CNTN4: variants seen among roughly 807,000 people sequenced by gnomAD.
CNTN4 encodes contactin 4.
In CNTN4, 77 loss-of-function variants were observed where a neutral mutation model predicts 122.5. The ratio of observed to expected loss-of-function variants is 0.63; its 90% CI spans 0.52 to 0.76. The LOEUF (loss-of-function observed/expected upper bound fraction) is 0.76. CNTN4 is among the 30% of genes least tolerant of loss of function. The pLI is 0.00. For synonymous variants in CNTN4, 512 were observed against 447.0 expected (o/e 1.15, Z -1.83); for missense variants, 1,256 against 1,259.1 (o/e 1.00, Z 0.04).
intron 2 of CNTN4, among the ~76,000 whole-genome samples, chr3:2,299,638 A>G (rs1335199215): frequency 1.3e-5 from 2 of 152,112 alleles, no homozygotes; most frequent in Non-Finnish European, 2.9e-5. Context: ...AACATTCATA[A>G]TGATCATAAA....
chr3:2,384,313 C>T (rs1005212910), intron 3 of CNTN4, among the ~76,000 whole-genome samples: 5 of 152,098 alleles, frequency 3.3e-5, no homozygotes, highest in Admixed American at 6.6e-5. Context: ...TGCTATGAAT[C>T]CTGGCTTAAG....
intron 4 of CNTN4, among the ~76,000 whole-genome samples, chr3:2,600,684 A>G (rs996727474): frequency 6.6e-6 from 1 of 152,220 alleles, no homozygotes; most frequent in Non-Finnish European, 1.5e-5. Flanking sequence ...TCTTTATAGC[A>G]GCATGATTTA....
chr3:2,895,804 G>A (rs899703208), intron 10 of CNTN4, among the ~76,000 whole-genome samples: 1 of 152,194 alleles, frequency 6.6e-6, no homozygotes, highest in Non-Finnish European at 1.5e-5. Flanking sequence ...GGAGGCCGAG[G>A]CGGGCGGATC....
At chr3:2,429,129 C>G (rs1027102473) in intron 3 of CNTN4, among the ~76,000 whole-genome samples, 8 of 152,212 alleles carry the variant, frequency 5.3e-5, no homozygotes, top group Non-Finnish European at 1.0e-4. Context: ...TGGCGAGGAG[C>G]TGCATTCCTT....
intron 2 of CNTN4, among the ~76,000 whole-genome samples, chr3:2,108,791 A>C (rs2032690179): frequency 6.6e-6 from 1 of 152,206 alleles, no homozygotes; most frequent in Admixed American, 6.5e-5. Context: ...AAAGCACACG[A>C]GTTTTGTGAA....
At chr3:2,760,881 A>C (rs1455131586) in intron 6 of CNTN4, among the ~76,000 whole-genome samples, 2 of 152,164 alleles carry the variant, frequency 1.3e-5, no homozygotes, top group Admixed American at 1.3e-4. Context: ...TTGTCTGCAA[A>C]CAACCACTCA....
intron 2 of CNTN4, among the ~76,000 whole-genome samples, chr3:2,269,827 A>T (rs2041199351): frequency 6.6e-6 from 1 of 152,184 alleles, no homozygotes; most frequent in African/African-American, 2.4e-5. Flanking sequence ...ATGGAAAGAT[A>T]GTTTGTAGTA....
chr3:3,020,581 C>A (rs1353269342), intron 14 of CNTN4, among the ~76,000 whole-genome samples: 1 of 152,104 alleles, frequency 6.6e-6, no homozygotes, highest in African/African-American at 2.4e-5. Flanking sequence ...CTGAGGGCGC[C>A]CACCTCCACC....
At chr3:2,744,319 A>G (rs919534218) in intron 5 of CNTN4, among the ~76,000 whole-genome samples, 2 of 151,650 alleles carry the variant, frequency 1.3e-5, no homozygotes, top group African/African-American at 2.4e-5. Context: ...TACATTATGT[A>G]CAGACAACCA....
chr3:2,730,899 G>C (rs1225387795), intron 4 of CNTN4, among the ~76,000 whole-genome samples: 1 of 151,894 alleles, frequency 6.6e-6, no homozygotes, highest in African/African-American at 2.4e-5. Context: ...AAATGTGGAA[G>C]TGGGCCAAAT....
At chr3:2,690,632 C>T (rs1292166440) in intron 4 of CNTN4, among the ~76,000 whole-genome samples, 1 of 152,060 alleles carries the variant, frequency 6.6e-6, no homozygotes, top group Non-Finnish European at 1.5e-5. Context: ...GCTTGTCTGC[C>T]TTACCTCCTA....
At chr3:2,238,244 A>G (rs951036797) in intron 2 of CNTN4, among the ~76,000 whole-genome samples, 2 of 152,126 alleles carry the variant, frequency 1.3e-5, no homozygotes, top group African/African-American at 2.4e-5. Flanking sequence ...TAGGAATTGT[A>G]TAACAGTTTT....
chr3:2,520,215 A>G (rs1035745738), intron 3 of CNTN4, among the ~76,000 whole-genome samples: 2 of 146,438 alleles, frequency 1.4e-5, no homozygotes, highest in Non-Finnish European at 3.0e-5. Flanking sequence ...GTTGCCAGTC[A>G]TGATTTACAT....
At chr3:2,673,170 C>G (rs1046486069) in intron 4 of CNTN4, among the ~76,000 whole-genome samples, 2 of 152,092 alleles carry the variant, frequency 1.3e-5, no homozygotes, top group Admixed American at 6.5e-5. Flanking sequence ...GTTTAAATGC[C>G]TGGCCTTAAT....
chr3:2,319,539 A>T (rs1502585), intron 2 of CNTN4, among the ~76,000 whole-genome samples: 10,885 of 152,080 alleles, frequency 0.072, 454 homozygotes, highest in Middle Eastern at 0.085. Flanking sequence ...AGCCTACTCA[A>T]CTTGAAGATG....
At chr3:2,639,702 T>C (rs2082819347) in intron 4 of CNTN4, among the ~76,000 whole-genome samples, 1 of 152,216 alleles carries the variant, frequency 6.6e-6, no homozygotes. Context: ...ATAAATTTAT[T>C]TGGAAAATAT....
chr3:2,916,910 C>T (rs1227566723), intron 12 of CNTN4, among the ~76,000 whole-genome samples: 1 of 149,410 alleles, frequency 6.7e-6, no homozygotes, highest in African/African-American at 2.5e-5. Flanking sequence ...GGCGGCCGGG[C>T]AGAGGCTGCA....
intron 2 of CNTN4, among the ~76,000 whole-genome samples, chr3:2,335,707 C>T (rs937779491): frequency 6.6e-6 from 1 of 151,828 alleles, no homozygotes; most frequent in South Asian, 2.1e-4. Flanking sequence ...ACTTTTTCCC[C>T]TAACAAGAAT....
intron 3 of CNTN4, among the ~76,000 whole-genome samples, chr3:2,486,006 T>G (rs192900158): frequency 7.1e-4 from 108 of 152,230 alleles, no homozygotes; most frequent in African/African-American, 2.5e-3. Flanking sequence ...GCAATAAATC[T>G]TGCTGCTGCT....
Sources: allele counts gnomAD v4.1 joint callset (sites outside exome capture counted in the v4.1 genomes callset), GRCh38; gene constraint gnomAD v4.1.1; transcripts MANE v1.5; gene names NCBI Gene and HGNC (gene_info 2026-07-23, HGNC 2026-07-21).